Variants in LARGE1 observed in about 807,000 individuals in gnomAD.
LARGE1 encodes xylosyl- and glucuronyltransferase LARGE1.
In LARGE1, 43 loss-of-function variants were observed where a neutral mutation model predicts 87.6. The ratio of observed to expected loss-of-function variants is 0.49; its 90% CI spans 0.38 to 0.63. The LOEUF (loss-of-function observed/expected upper bound fraction) is 0.63, where lower values mean the gene tolerates loss of function less well. LARGE1 is among the 30% of genes least tolerant of loss of function. The pLI, the probability that LARGE1 is intolerant of heterozygous loss-of-function variation, is 0.00. For synonymous variants in LARGE1, 434 were observed against 394.6 expected, an observed-to-expected ratio of 1.10 and a Z score of -1.18; for missense variants, 802 against 1,000.2, an observed-to-expected ratio of 0.80 and a Z score of 2.67.
chr22:33,661,208 G>T (rs1020159791), intron 2 of LARGE1, among the ~76,000 whole-genome samples: 1 of 145,888 alleles, frequency 6.9e-6, no homozygotes, highest in Non-Finnish European at 1.5e-5. Flanking sequence ...TACCAAAAAA[G>T]GTTCTATGAT....
chr22:33,807,791 A>AT (rs2146136910), intron 1 of LARGE1, among the ~76,000 whole-genome samples: 1 of 152,260 alleles, frequency 6.6e-6, no homozygotes, highest in South Asian at 2.1e-4. Context: ...TCATTTAGTC[A>AT]TATGTATTTA....
rs140199144 is a variant in LARGE1 at position 33,486,904 on chromosome 22, A to T, written c.788-54639T>A. Among the ~76,000 whole-genome samples, 484 of 152,324 alleles carry T rather than the reference A, an allele frequency of 3.2e-3. 1 individual carries two copies. The highest frequency in any genetic ancestry group is 0.011 in the African/African-American group (462 of 41,572). ...ACTTCTGCAACACATTTAGAAGAAT[A>T]TATCTAGGTCTCTATCAAATCTGTT... is the stretch of plus-strand genomic sequence containing the variant. On this transcript the variant is annotated intron_variant, in intron 6 of 14. Transcript: ENST00000397394.
intron 2 of LARGE1, chr22:33,737,446 C>T (rs935617630): frequency 6.6e-6 from 1 of 152,188 alleles, no homozygotes; most frequent in African/African-American, 2.4e-5. Context: ...TTAGTCATAA[C>T]AAGCGTTAAC....
chr22:33,449,863 T>C (rs1361748576), intron 6 of LARGE1, among the ~76,000 whole-genome samples: 3 of 152,022 alleles, frequency 2.0e-5, no homozygotes, highest in Admixed American at 6.6e-5. Flanking sequence ...TCCCTCATGT[T>C]TATAAACAGT....
At chr22:33,481,512 T>G (rs1237292165) in intron 6 of LARGE1, among the ~76,000 whole-genome samples, 1 of 152,210 alleles carries the variant, frequency 6.6e-6, no homozygotes, top group Non-Finnish European at 1.5e-5. Context: ...AAACAAAAAT[T>G]TAATGGTGTT....
At chr22:33,337,158 A>G (rs1938556196) in intron 10 of LARGE1, among the ~76,000 whole-genome samples, 1 of 152,194 alleles carries the variant, frequency 6.6e-6, no homozygotes, top group Non-Finnish European at 1.5e-5. Context: ...GAATAGCTAT[A>G]GTAGACTGTA....
At chr22:33,261,302 T>A (rs1158591204) in intron 11 of LARGE1, among the ~76,000 whole-genome samples, 1 of 152,172 alleles carries the variant, frequency 6.6e-6, no homozygotes, top group Non-Finnish European at 1.5e-5. Context: ...ATCTATTCTA[T>A]CTTTACGGAA....
chr22:33,579,162 G>C (rs2078439136), intron 5 of LARGE1, among the ~76,000 whole-genome samples: 1 of 152,188 alleles, frequency 6.6e-6, no homozygotes, highest in Admixed American at 6.5e-5. Context: ...GGAGGGACCT[G>C]GTGGGAGGTA....
chr22:33,353,090 G>A (rs1940549629), intron 9 of LARGE1, among the ~76,000 whole-genome samples: 1 of 152,172 alleles, frequency 6.6e-6, no homozygotes, highest in African/African-American at 2.4e-5. Flanking sequence ...AAGACTATTT[G>A]AAATATGAAT....
the LARGE1 span, among the ~76,000 whole-genome samples, chr22:33,147,656 G>C: frequency 6.6e-6 from 1 of 152,216 alleles, no homozygotes; most frequent in Middle Eastern, 3.4e-3. Flanking sequence ...AACTGATATT[G>C]AAAGAATACT....
At chr22:33,124,077 A>G in the LARGE1 span, among the ~76,000 whole-genome samples, 3 of 152,170 alleles carry the variant, frequency 2.0e-5, no homozygotes, top group Non-Finnish European at 1.5e-5. Flanking sequence ...ACTTGAGGTC[A>G]GGAGCTCTAG....
At position 33,274,094 on chromosome 22, in the gene LARGE1, A is replaced by C. The variant is rs1424489358; in HGVS notation, c.*333T>G. The C allele has an allele frequency of 2.1e-6, 1 of 469,354 alleles. No homozygotes were observed. The highest frequency in any genetic ancestry group is 3.9e-6 in the Non-Finnish European group (1 of 259,076). 29.1% of individuals were successfully genotyped at this position (469,354 alleles called of 1,614,324 possible). A position where few individuals can be genotyped will look rare whatever the true frequency, so the allele number is the denominator to read the frequency against. On this transcript the variant is annotated 3_prime_UTR_variant, in exon 15 of 15. Coordinates refer to ENST00000397394, the MANE Select transcript of LARGE1 (RefSeq NM_133642.5). ...GAAGCATAATTATTAAAAAGCATCC[A>C]GAACATCCTAAAGCCCTGCCCTGAT...
chr22:33,445,811 G>A (rs777913618), intron 6 of LARGE1, among the ~76,000 whole-genome samples: 12 of 151,928 alleles, frequency 7.9e-5, no homozygotes, highest in Non-Finnish European at 1.5e-4. Context: ...CACCATGCTC[G>A]GCTACTTTTT....
At chr22:33,156,048 T>A in the LARGE1 span, among the ~76,000 whole-genome samples, 2 of 152,222 alleles carry the variant, frequency 1.3e-5, no homozygotes, top group Non-Finnish European at 2.9e-5. Flanking sequence ...AACCTCTGCC[T>A]AGATTTCAGA....
chr22:33,783,821 C>A (rs560259602), intron 1 of LARGE1, among the ~76,000 whole-genome samples: 2 of 152,194 alleles, frequency 1.3e-5, no homozygotes, highest in East Asian at 3.9e-4. Context: ...CGGGCTCTAA[C>A]TTCCCTGGTG....
intron 6 of LARGE1, among the ~76,000 whole-genome samples, chr22:33,493,306 G>A (rs371569565): frequency 6.6e-5 from 10 of 151,748 alleles, no homozygotes; most frequent in South Asian, 2.1e-4. Flanking sequence ...GATTACAGGC[G>A]CGCGCCACTA....
At chr22:33,327,513 T>C (rs1314979765) in intron 10 of LARGE1, among the ~76,000 whole-genome samples, 3 of 152,184 alleles carry the variant, frequency 2.0e-5, no homozygotes, top group Non-Finnish European at 2.9e-5. Context: ...ATTTTACAGA[T>C]GGGAAAACCG....
intron 2 of LARGE1, among the ~76,000 whole-genome samples, chr22:33,720,033 G>C (rs568579312): frequency 6.6e-6 from 1 of 152,108 alleles, no homozygotes; most frequent in African/African-American, 2.4e-5. Flanking sequence ...TTGGGGGAAG[G>C]GGATGGTTTG....
intron 6 of LARGE1, among the ~76,000 whole-genome samples, chr22:33,464,759 T>G (rs999667154): frequency 6.6e-6 from 1 of 152,128 alleles, no homozygotes; most frequent in African/African-American, 2.4e-5. Flanking sequence ...CTAGTAGGGG[T>G]GTAAACTGGA....
Sources: allele counts gnomAD v4.1 joint callset (sites outside exome capture counted in the v4.1 genomes callset), GRCh38; gene constraint gnomAD v4.1.1; transcripts MANE v1.5; gene names NCBI Gene and HGNC (gene_info 2026-07-23, HGNC 2026-07-21).